The following ITPR1 variants were observed in gnomAD, a reference collection of about 807,000 sequenced individuals.
The protein encoded by ITPR1 is inositol 1,4,5-trisphosphate-gated calcium channel ITPR1.
ITPR1 carries 96 observed loss-of-function variants against 318.4 expected under a neutral mutation model. The observed-to-expected ratio is 0.30, with a 90% CI of 0.26 to 0.36. The LOEUF is 0.36. Among genes scored for constraint, ITPR1 ranks in the 10% least tolerant of loss-of-function variants. The probability of loss-of-function intolerance (pLI) is 1.00; values close to 1 mark genes in which losing one functional copy is unlikely to be tolerated. For synonymous variants in ITPR1, 1,312 were observed against 1,289.9 expected, an observed-to-expected ratio of 1.02 and a Z score of -0.37; for missense variants, 2,440 against 3,460.2, an observed-to-expected ratio of 0.71 and a Z score of 7.40.
intron 2 of ITPR1, among the ~76,000 whole-genome samples, chr3:4,507,810 A>T (rs1271799560): frequency 6.6e-6 from 1 of 152,184 alleles, no homozygotes; most frequent in Non-Finnish European, 1.5e-5. Context: ...AATTAGATTG[A>T]TGCTTATTGC....
chr3:4,548,159 G>C (rs112311153), intron 4 of ITPR1, among the ~76,000 whole-genome samples: 1,648 of 152,332 alleles, frequency 0.011, 34 homozygotes, highest in African/African-American at 0.037. Flanking sequence ...TAAGTGGAAA[G>C]ACACAGCCAA....
chr3:4,806,568 T>G (rs1238117357), intron 55 of ITPR1, among the ~76,000 whole-genome samples: 1 of 152,212 alleles, frequency 6.6e-6, no homozygotes, highest in Non-Finnish European at 1.5e-5. Flanking sequence ...CCATGCACCT[T>G]TGTTTTTCTT....
intron 5 of ITPR1, among the ~76,000 whole-genome samples, chr3:4,633,708 T>A (rs2093089320): frequency 6.6e-6 from 1 of 152,244 alleles, no homozygotes; most frequent in African/African-American, 2.4e-5. Flanking sequence ...ATCACATAAA[T>A]TTCTTCTAAA....
intron 51 of ITPR1, 81 bp downstream of exon 51, chr3:4,784,001 T>A (rs904782120): frequency 2.2e-6 from 2 of 928,070 alleles, no homozygotes; most frequent in Non-Finnish European, 3.3e-6. Flanking sequence ...CTGGCGTGCA[T>A]TCATTCATCT....
At chr3:4,701,621 A>G (rs181670829) in intron 35 of ITPR1, among the ~76,000 whole-genome samples, 98 of 152,340 alleles carry the variant, frequency 6.4e-4, no homozygotes, top group Non-Finnish European at 1.2e-3. Flanking sequence ...GAGGTTTGCC[A>G]TCAGAGACTC....
At chr3:4,796,565 T>C (rs559833747) in intron 53 of ITPR1, among the ~76,000 whole-genome samples, 1 of 152,352 alleles carries the variant, frequency 6.6e-6, no homozygotes, top group South Asian at 2.1e-4. Context: ...TGTTTTCATT[T>C]ACTCTCCATT....
intron 17 of ITPR1, among the ~76,000 whole-genome samples, chr3:4,665,504 C>T (rs905327915): frequency 1.3e-5 from 2 of 152,286 alleles, no homozygotes; most frequent in Admixed American, 6.5e-5. Context: ...TTCTCTTCTG[C>T]AGACATCTTT....
intron 4 of ITPR1, among the ~76,000 whole-genome samples, chr3:4,595,763 T>C (rs1255441562): frequency 6.6e-6 from 1 of 152,002 alleles, no homozygotes; most frequent in African/African-American, 2.4e-5. Flanking sequence ...GCACCAAGAC[T>C]GGAGAGGATG....
chr3:4,725,605 A>G lies in ITPR1; in HGVS notation c.5172+24A>G, dbSNP rs373296772. 5.0e-6 allele frequency: 8 copies of G among 1,587,394 alleles called. No individual in the cohort carries two copies. In the African/African-American group the frequency reaches 9.4e-5, roughly 19 times the overall value. ...AGGTGTGTTGCCCGCCTATATTTGT[A>G]GCGCCAGCGCCAGCAAATATGGATG... On this transcript the variant is annotated intron_variant, in intron 41 of 61. Coordinates refer to ENST00000649015, the MANE Select transcript of ITPR1 (RefSeq NM_001378452.1).
chr3:4,536,063 A>C (rs993125325), intron 4 of ITPR1, among the ~76,000 whole-genome samples: 13 of 152,106 alleles, frequency 8.5e-5, no homozygotes, highest in African/African-American at 2.7e-4. Context: ...TGGCTTCCAG[A>C]TTTTGTAATT....
At chr3:4,727,194 G>A in intron 42 of ITPR1, 21 bp downstream of exon 42, 1 of 1,562,748 alleles carries the variant, frequency 6.4e-7, no homozygotes, top group Non-Finnish European at 8.7e-7. Flanking sequence ...TTGAGTCTTG[G>A]GTATCGGGAG....
chr3:4,727,044 T>G, intron 41 of ITPR1, 82 bp from the exon 42 acceptor site: 1 of 1,132,700 alleles, frequency 8.8e-7, no homozygotes, highest in Non-Finnish European at 1.3e-6. Flanking sequence ...GAACTCTCAA[T>G]GTATTTTATA....
At chr3:4,823,986 T>C (rs1318201136) in intron 60 of ITPR1, among the ~76,000 whole-genome samples, 2 of 152,234 alleles carry the variant, frequency 1.3e-5, no homozygotes, top group Non-Finnish European at 2.9e-5. Flanking sequence ...GGTGTGTTTT[T>C]GAGTGAATTG....
chr3:4,601,401 C>T (rs1221276000), intron 4 of ITPR1, among the ~76,000 whole-genome samples: 2 of 151,576 alleles, frequency 1.3e-5, no homozygotes, highest in Non-Finnish European at 2.9e-5. Flanking sequence ...CACCTGTAGT[C>T]CCAGCTACTC....
chr3:4,640,156 A>G (rs2093304364), intron 6 of ITPR1, among the ~76,000 whole-genome samples: 1 of 152,202 alleles, frequency 6.6e-6, no homozygotes, highest in African/African-American at 2.4e-5. Flanking sequence ...ACTATTGAGC[A>G]CCTAGACCCA....
chr3:4,679,424 G>A (rs1394809403), intron 24 of ITPR1, among the ~76,000 whole-genome samples: 3 of 152,198 alleles, frequency 2.0e-5, no homozygotes, highest in African/African-American at 7.2e-5. Flanking sequence ...CTGAGAACCA[G>A]GGGAGCTGAA....
At chr3:4,755,890 C>A (rs1207278178) in intron 44 of ITPR1, among the ~76,000 whole-genome samples, 1 of 152,158 alleles carries the variant, frequency 6.6e-6, no homozygotes, top group Non-Finnish European at 1.5e-5. Flanking sequence ...TACAGACTTG[C>A]TTCACTTCAT....
intron 4 of ITPR1, among the ~76,000 whole-genome samples, chr3:4,625,834 G>A (rs2092808858): frequency 1.3e-5 from 2 of 152,186 alleles, no homozygotes; most frequent in South Asian, 4.1e-4. Context: ...TGGGATTACA[G>A]GCGTGAGCCA....
intron 46 of ITPR1, among the ~76,000 whole-genome samples, chr3:4,772,185 CAG>C (rs1176266455): frequency 6.6e-6 from 1 of 152,188 alleles, no homozygotes; most frequent in Non-Finnish European, 1.5e-5. Flanking sequence ...TATCCCAGAA[CAG>C]GGGGTGGGTC....
Sources: gnomAD v4.1 joint callset for allele counts (sites outside exome capture counted in the v4.1 genomes callset) on GRCh38, gnomAD v4.1.1 for gene constraint, MANE v1.5 for transcripts, NCBI Gene and HGNC (gene_info 2026-07-23, HGNC 2026-07-21) for gene names.